Variants in DNAH7 observed in about 807,000 individuals in gnomAD.
The protein encoded by DNAH7 is axonemal beta dynein heavy chain 7.
A neutral mutation model predicts 444.6 loss-of-function variants in DNAH7; 397 were observed. That is an observed-to-expected ratio of 0.89 (90% confidence interval 0.82 to 0.97). The LOEUF (loss-of-function observed/expected upper bound fraction) is 0.97, where lower values mean the gene tolerates loss of function less well. Among genes scored for constraint, DNAH7 ranks in the 50% least tolerant of loss-of-function variants. DNAH7 has a pLI of 0.00. For synonymous variants in DNAH7, 1,636 were observed against 1,624.4 expected, an observed-to-expected ratio of 1.01 and a Z score of -0.17; for missense variants, 4,902 against 4,800.8, an observed-to-expected ratio of 1.02 and a Z score of -0.62.
intron 62 of DNAH7, 131 bp from the exon 63 acceptor site, chr2:195,754,645 G>A: frequency 2.4e-6 from 2 of 827,544 alleles, no homozygotes; most frequent in African/African-American, 1.7e-5. Flanking sequence ...CAAGTAGCTG[G>A]GAATACAGGC....
chr2:195,920,088 T>C (rs1687932018), intron 24 of DNAH7, among the ~76,000 whole-genome samples: 1 of 152,142 alleles, frequency 6.6e-6, no homozygotes, highest in African/African-American at 2.4e-5. Context: ...ACTCAGTGTT[T>C]CTAGCCCATT....
chr2:196,004,962 CAAAAAAAAAAAA>C (rs60564090), intron 10 of DNAH7, among the ~76,000 whole-genome samples: 1 of 63,692 alleles, frequency 1.6e-5, no homozygotes, highest in Non-Finnish European at 3.4e-5. Flanking sequence ...GGCCTTGTGT[CAAAAAAAAAAAA>C]AAAAAAAAAA....
chr2:195,847,558 G>T lies in DNAH7; in HGVS notation c.8782-2393C>A, dbSNP rs752037696. ...TACTAGATACTATGCTTATTACCTG[G>T]GTGATGACATAATCTGTACACCGAA... On this transcript the variant is annotated intron_variant, in intron 46 of 64. Transcript: ENST00000312428. Among the ~76,000 whole-genome samples, 46 of 150,482 alleles carry T rather than the reference G, an allele frequency of 3.1e-4. 1 individual carries two copies. The highest frequency in any genetic ancestry group is 4.7e-4 in the Non-Finnish European group (32 of 67,772).
Position 195,738,126 on chromosome 2 carries a change from A to C in DNAH7, c.11870T>G (p.Met3957Arg). The C allele has an allele frequency of 2.5e-6, 4 of 1,613,528 alleles. No individual in the cohort carries two copies. Among genetic ancestry groups the C allele is most frequent in the Non-Finnish European group, 3.4e-6 (4 of 1,179,532 alleles). The change falls in exon 65 of 65, where the codon ATG (methionine) becomes AGG (arginine). Residue 3957 changes from methionine (M) to arginine (R), a missense_variant and splice_region_variant. Coordinates refer to ENST00000312428, the MANE Select transcript of DNAH7 (RefSeq NM_018897.3). ...PKILYDTVPV[M>R]WLKPCKRADI... Reference sequence around the variant, plus strand: ...TGCCCTCTTACAGGGCTTTAGCCACATCTGGAAGAAAGTACATAACACCTC... The same window carrying C: ...TGCCCTCTTACAGGGCTTTAGCCACCTCTGGAAGAAAGTACATAACACCTC...
At chr2:195,851,194 TAAAC>T (rs1321734281) in intron 46 of DNAH7, among the ~76,000 whole-genome samples, 1 of 152,128 alleles carries the variant, frequency 6.6e-6, no homozygotes, top group Non-Finnish European at 1.5e-5. Context: ...TGATGGGAAA[TAAAC>T]TGCTCGCTGT....
intron 49 of DNAH7, among the ~76,000 whole-genome samples, chr2:195,823,775 T>C (rs543853562): frequency 2.0e-4 from 30 of 152,274 alleles, no homozygotes; most frequent in African/African-American, 7.0e-4. Flanking sequence ...AGTCACTGAC[T>C]AAAAAACTTT....
At chr2:196,059,219 T>A (rs570853575) in intron 1 of DNAH7, among the ~76,000 whole-genome samples, 1 of 152,198 alleles carries the variant, frequency 6.6e-6, no homozygotes. Context: ...ATTCTGGTTT[T>A]TCCCCCCGCA....
rs1700175519 is a variant in DNAH7 at position 195,864,083 on chromosome 2, A to G, written c.7506+66T>C. 2.0e-6 allele frequency: 3 copies of G among 1,519,860 alleles called. No homozygotes were observed. In the Admixed American group the frequency reaches 5.7e-5, roughly 29 times the overall value. 94.1% of individuals were successfully genotyped at this position (1,519,860 alleles called of 1,614,324 possible). A position where few individuals can be genotyped will look rare whatever the true frequency, so the allele number is the denominator to read the frequency against. Reference sequence around the variant, plus strand: ...AAACTACAGGTTGGGAATCTATAAAATAAGTCATGATGATAGTGGAAATTC... The same window carrying G: ...AAACTACAGGTTGGGAATCTATAAAGTAAGTCATGATGATAGTGGAAATTC... On this transcript the variant is annotated intron_variant, in intron 41 of 64. Coordinates refer to ENST00000312428, the MANE Select transcript of DNAH7 (RefSeq NM_018897.3).
chr2:196,053,658 A>G lies in DNAH7; in HGVS notation c.79-2409T>C, dbSNP rs1697625691. 2.0e-5 allele frequency among the ~76,000 whole-genome samples: 3 copies of G among 152,262 alleles called. No homozygotes were observed. In the South Asian group the frequency reaches 6.2e-4, roughly 32 times the overall value. On this transcript the variant is annotated intron_variant, in intron 2 of 64. Coordinates refer to ENST00000312428, the MANE Select transcript of DNAH7 (RefSeq NM_018897.3). Reference sequence around the variant, plus strand: ...ACAAAAGGTCACCTCTACCTCTCAAAGGCACTGCTCTGATCATACTGCTCC... The same window carrying G: ...ACAAAAGGTCACCTCTACCTCTCAAGGGCACTGCTCTGATCATACTGCTCC...
rs144716114 is a variant in DNAH7 at position 195,742,036 on chromosome 2, G to A, written c.11765-1167C>T. Among the ~76,000 whole-genome samples the A allele has an allele frequency of 2.6e-3, 400 of 152,246 alleles. 1 individual carries two copies. The highest frequency in any genetic ancestry group is 9.1e-3 in the African/African-American group (377 of 41,534). ...GGGTTTTAGCTGATGGGAAGAATAC[G>A]TCGGAATATAGTATCAGTTTTATTA... On this transcript the variant is annotated intron_variant, in intron 63 of 64. Coordinates refer to ENST00000312428, the MANE Select transcript of DNAH7 (RefSeq NM_018897.3).
At chr2:195,951,647 T>C (rs535820941) in intron 19 of DNAH7, among the ~76,000 whole-genome samples, 4 of 152,334 alleles carry the variant, frequency 2.6e-5, no homozygotes, top group Admixed American at 1.3e-4. Context: ...ATATTTAGGA[T>C]AGTTAGCTCT....
chr2:195,904,223 GA>G (rs1364728541), intron 27 of DNAH7: 3 of 152,324 alleles, frequency 2.0e-5, no homozygotes, highest in Admixed American at 6.6e-5. Context: ...GCACATGACA[GA>G]ACTCAGCTAT....
rs557444107 is a variant in DNAH7, at chr2:195,810,091, A to T, written c.9762-220T>A. On this transcript the variant is annotated intron_variant, in intron 51 of 64. Transcript: ENST00000312428. ...ACTGTGGACTGAGTTTTTTTTTTTTAAAACTTAATCTTCCTCTTGGAAAAA... is the reference window on the plus strand; with the variant it reads ...ACTGTGGACTGAGTTTTTTTTTTTTTAAACTTAATCTTCCTCTTGGAAAAA... Among the ~76,000 whole-genome samples the T allele has an allele frequency of 5.5e-3, 829 of 151,328 alleles. 9 individuals carry two copies. The highest frequency in any genetic ancestry group is 4.0e-3 in the Non-Finnish European group (269 of 67,806).
intron 45 of DNAH7, 129 bp from the exon 46 acceptor site, chr2:195,853,657 C>A: frequency 2.3e-6 from 2 of 866,030 alleles, no homozygotes; most frequent in East Asian, 2.7e-5. Flanking sequence ...TCCTATATCA[C>A]TATGATATAG....
At chr2:196,002,486 CAA>C (rs1694099380) in intron 10 of DNAH7, among the ~76,000 whole-genome samples, 1 of 152,096 alleles carries the variant, frequency 6.6e-6, no homozygotes, top group African/African-American at 2.4e-5. Context: ...TGATAATAAG[CAA>C]AGTTTTCAAC....
intron 5 of DNAH7, among the ~76,000 whole-genome samples, chr2:196,045,092 AAGG>A (rs1323330117): frequency 1.3e-5 from 2 of 150,464 alleles, no homozygotes; most frequent in African/African-American, 4.9e-5. Flanking sequence ...AGAAGAAAAG[AAGG>A]AGAAGGTGAA....
At chr2:195,983,148 T>C (rs1465897484) in intron 15 of DNAH7, among the ~76,000 whole-genome samples, 5 of 152,132 alleles carry the variant, frequency 3.3e-5, no homozygotes, top group Non-Finnish European at 7.3e-5. Flanking sequence ...TTTAAAAGGA[T>C]TTTTTGAATA....
At chr2:196,049,883 A>T (rs1315008456) in intron 3 of DNAH7, among the ~76,000 whole-genome samples, 1 of 152,244 alleles carries the variant, frequency 6.6e-6, no homozygotes, top group Non-Finnish European at 1.5e-5. Flanking sequence ...AAAAATGTCT[A>T]TTCCATTTCA....
intron 61 of DNAH7, among the ~76,000 whole-genome samples, chr2:195,765,524 CTG>C (rs1358884382): frequency 2.0e-5 from 3 of 152,076 alleles, no homozygotes. Context: ...TCAAACAACT[CTG>C]TAGGAAAAAC....
Sources: gnomAD v4.1 joint callset for allele counts (sites outside exome capture counted in the v4.1 genomes callset) on GRCh38, gnomAD v4.1.1 for gene constraint, MANE v1.5 for transcripts, NCBI Gene and HGNC (gene_info 2026-07-23, HGNC 2026-07-21) for gene names.